The following KIF26B variants were observed in gnomAD, a reference collection of about 807,000 sequenced individuals.
KIF26B encodes kinesin family member 26B.
A neutral mutation model predicts 151.2 loss-of-function variants in KIF26B; 63 were observed. The ratio of observed to expected loss-of-function variants is 0.42; its 90% confidence interval spans 0.34 to 0.51. The LOEUF (loss-of-function observed/expected upper bound fraction) is 0.51, where lower values mean the gene tolerates loss of function less well. Ranked by LOEUF, KIF26B falls within the 20% of genes least tolerant of loss-of-function variation. The pLI is 0.07. For synonymous variants in KIF26B, 1,357 were observed against 1,262.1 expected (o/e 1.08, Z -1.59); for missense variants, 2,813 against 2,913.6 (o/e 0.97, Z 0.79).
At chr1:245,663,026 T>C (rs10754466) in intron 10 of KIF26B, among the ~76,000 whole-genome samples, 101,380 of 149,650 alleles carry the variant, frequency 0.68, 34,522 homozygotes, top group East Asian at 0.82. Context: ...TCTTGCTTTG[T>C]ATCTCTCTCC....
intron 5 of KIF26B, among the ~76,000 whole-genome samples, chr1:245,577,742 CATCTCCTCACCGGAAG>C (rs1207426293): frequency 3.9e-4 from 57 of 144,520 alleles, no homozygotes; most frequent in African/African-American, 1.4e-3. Context: ...CCGGGCGATG[CATCTCCTCACCGGAAG>C]AGCTTTGTGG....
chr1:245,650,075 C>T (rs1168225843), intron 10 of KIF26B, among the ~76,000 whole-genome samples: 4 of 152,200 alleles, frequency 2.6e-5, no homozygotes, highest in East Asian at 1.9e-4. Flanking sequence ...CAGTTCTCAA[C>T]GGTGGCACCA....
At chr1:245,297,418 A>G (rs113159857) in intron 2 of KIF26B, among the ~76,000 whole-genome samples, 103 of 152,332 alleles carry the variant, frequency 6.8e-4, no homozygotes, top group African/African-American at 2.4e-3. Context: ...AGGCCAGGTG[A>G]CTTAACTAAG....
chr1:245,555,725 G>T (rs1662006357), intron 5 of KIF26B, among the ~76,000 whole-genome samples: 1 of 152,110 alleles, frequency 6.6e-6, no homozygotes, highest in Non-Finnish European at 1.5e-5. Flanking sequence ...GTTACACAGA[G>T]CATGTCAGGT....
chr1:245,530,460 A>G (rs1040083318), intron 4 of KIF26B, among the ~76,000 whole-genome samples: 6 of 152,238 alleles, frequency 3.9e-5, no homozygotes, highest in African/African-American at 1.2e-4. Context: ...AAATGAATAA[A>G]GAAAAGGTGG....
intron 2 of KIF26B, among the ~76,000 whole-genome samples, chr1:245,205,739 G>T (rs1395937104): frequency 6.9e-6 from 1 of 144,380 alleles, no homozygotes; most frequent in Non-Finnish European, 1.5e-5. Context: ...TAGACATAGG[G>T]TCTCGTTCTG....
At chr1:245,641,887 T>C (rs2043895811) in intron 9 of KIF26B, among the ~76,000 whole-genome samples, 1 of 152,208 alleles carries the variant, frequency 6.6e-6, no homozygotes, top group South Asian at 2.1e-4. Flanking sequence ...TATGATGATA[T>C]CTACACATTG....
intron 2 of KIF26B, among the ~76,000 whole-genome samples, chr1:245,354,482 C>G (rs895547012): frequency 6.6e-6 from 1 of 152,242 alleles, no homozygotes; most frequent in Non-Finnish European, 1.5e-5. Flanking sequence ...CCACCACACT[C>G]TCTCGTGAAC....
chr1:245,513,041 A>C (rs912086774), intron 4 of KIF26B, among the ~76,000 whole-genome samples: 2 of 152,122 alleles, frequency 1.3e-5, no homozygotes, highest in Non-Finnish European at 2.9e-5. Context: ...CTGGATTTTG[A>C]GCAAAGGAGA....
intron 2 of KIF26B, among the ~76,000 whole-genome samples, chr1:245,324,921 C>G (rs1317262629): frequency 6.6e-6 from 1 of 151,760 alleles, no homozygotes; most frequent in African/African-American, 2.4e-5. Context: ...ATGGTGAAAT[C>G]CCGTCTCTAC....
intron 2 of KIF26B, among the ~76,000 whole-genome samples, chr1:245,260,830 T>C (rs144429328): frequency 6.6e-6 from 1 of 152,334 alleles, no homozygotes; most frequent in East Asian, 1.9e-4. Context: ...GTTTCTGGAC[T>C]TCAGCCACAG....
At chr1:245,348,242 C>T (rs765343139) in intron 2 of KIF26B, among the ~76,000 whole-genome samples, 40 of 152,196 alleles carry the variant, frequency 2.6e-4, no homozygotes, top group Non-Finnish European at 5.0e-4. Flanking sequence ...CTTTGCTCTG[C>T]CTGCACTGAC....
chr1:245,583,104 C>T (rs956414970), intron 5 of KIF26B, among the ~76,000 whole-genome samples: 9 of 152,176 alleles, frequency 5.9e-5, no homozygotes, highest in Admixed American at 4.6e-4. Context: ...TTCCAACCTT[C>T]GATCTAATTT....
intron 4 of KIF26B, among the ~76,000 whole-genome samples, chr1:245,435,016 C>CATCCATCA (rs1311448705): frequency 4.0e-5 from 6 of 148,556 alleles, no homozygotes; most frequent in African/African-American, 1.2e-4. Context: ...TCCATCCATC[C>CATCCATCA]ATCTCTCCAT....
chr1:245,658,423 G>A (rs2044098367), intron 10 of KIF26B, among the ~76,000 whole-genome samples: 1 of 152,082 alleles, frequency 6.6e-6, no homozygotes, highest in Admixed American at 6.6e-5. Context: ...TTTTGAGACA[G>A]GGTGTCACTC....
At chr1:245,500,677 T>C (rs183580934) in intron 4 of KIF26B, among the ~76,000 whole-genome samples, 18 of 152,334 alleles carry the variant, frequency 1.2e-4, no homozygotes, top group African/African-American at 4.1e-4. Context: ...ATGTAGCTCT[T>C]GAACTTCACC....
At chr1:245,351,788 G>A (rs975574019) in intron 2 of KIF26B, among the ~76,000 whole-genome samples, 6 of 152,166 alleles carry the variant, frequency 3.9e-5, no homozygotes, top group Non-Finnish European at 5.9e-5. Context: ...AAGATGAGGA[G>A]CTATTTTCTG....
chr1:245,429,701 C>T (rs1193141095), intron 4 of KIF26B, among the ~76,000 whole-genome samples: 12 of 152,182 alleles, frequency 7.9e-5, no homozygotes, highest in Admixed American at 7.9e-4. Flanking sequence ...GCAATCTCCA[C>T]CTCCTGGGTT....
chr1:245,275,657 T>G (rs1246554730), intron 2 of KIF26B, among the ~76,000 whole-genome samples: 3 of 152,214 alleles, frequency 2.0e-5, no homozygotes, highest in Non-Finnish European at 4.4e-5. Context: ...TGTCTTTTAA[T>G]CTGTATACCA....
Sources: allele counts gnomAD v4.1 joint callset (sites outside exome capture counted in the v4.1 genomes callset), GRCh38; gene constraint gnomAD v4.1.1; transcripts MANE v1.5; gene names NCBI Gene and HGNC (gene_info 2026-07-23, HGNC 2026-07-21).